The following FYN variants were observed in gnomAD, a reference collection of about 807,000 sequenced individuals.
FYN encodes the protein FYN proto-oncogene, Src family tyrosine kinase.
In FYN, 10 loss-of-function variants were observed where a neutral mutation model predicts 70.2. The observed-to-expected ratio is 0.14, with a 90% CI of 0.09 to 0.24. The LOEUF is 0.24. FYN is among the 10% of genes least tolerant of loss of function. The probability of loss-of-function intolerance (pLI) is 1.00; values close to 1 mark genes in which losing one functional copy is unlikely to be tolerated. For synonymous variants in FYN, 236 were observed against 248.6 expected (o/e 0.95, Z 0.48); for missense variants, 319 against 673.1 (o/e 0.47, Z 5.82).
chr6:111,830,063 T>C (rs1772966325), intron 2 of FYN, among the ~76,000 whole-genome samples: 1 of 152,214 alleles, frequency 6.6e-6, no homozygotes. Context: ...ATTGAACTAC[T>C]GACTCAATGG....
chr6:111,872,662 C>G (rs934293727), intron 1 of FYN, among the ~76,000 whole-genome samples: 1 of 152,032 alleles, frequency 6.6e-6, no homozygotes, highest in Non-Finnish European at 1.5e-5. Context: ...AGGGCGGGGG[C>G]GGAGTCTGGG....
rs543737402 is a variant in FYN, at chr6:111,870,981, G to T, written c.-123+1987C>A. ...TTTTTATCGTAAAAAGTTCCACGAT[G>T]AATGTTCTTAAAAAGTGTGTAAGTA... On this transcript the variant is annotated intron_variant, in intron 1 of 13. Coordinates refer to ENST00000354650, the MANE Select transcript of FYN (RefSeq NM_002037.5). Among the ~76,000 whole-genome samples, 5 of 152,196 alleles carry T rather than the reference G, an allele frequency of 3.3e-5. No homozygotes were observed. The South Asian group carries it at 8.3e-4, about 25-fold the overall frequency.
intron 3 of FYN, among the ~76,000 whole-genome samples, chr6:111,744,825 A>G (rs1802135181): frequency 6.6e-6 from 1 of 152,220 alleles, no homozygotes; most frequent in South Asian, 2.1e-4. Context: ...ATATCACCTA[A>G]CAATAAATAT....
chr6:111,674,415 G>A lies in FYN; in HGVS notation c.1405+84C>T, dbSNP rs921361484. The stretch of plus-strand genomic sequence containing the variant: ...AGCAGAAAGCTGAGGATGGGGCTTA[G>A]AAAGCAAAGTGGATGAAGTTTTCCC... On this transcript the variant is annotated intron_variant, in intron 13 of 13. Coordinates refer to ENST00000354650, the MANE Select transcript of FYN (RefSeq NM_002037.5). The A allele has an allele frequency of 4.1e-6, 6 of 1,461,890 alleles. No individual in the cohort carries two copies. In the African/African-American group the frequency reaches 5.7e-5, roughly 14 times the overall value. 90.6% of individuals were successfully genotyped at this position (1,461,890 alleles called of 1,614,324 possible).
intron 2 of FYN, chr6:111,781,095 A>G (rs998142348): frequency 6.6e-6 from 1 of 152,146 alleles, no homozygotes; most frequent in Non-Finnish European, 1.5e-5. Flanking sequence ...AATAGGGATT[A>G]CTGTACTGAC....
At chr6:111,773,582 G>A (rs1251368200) in intron 3 of FYN, among the ~76,000 whole-genome samples, 6 of 70,734 alleles carry the variant, frequency 8.5e-5, no homozygotes, top group African/African-American at 3.7e-4. Flanking sequence ...GAGGGGGAGG[G>A]GGAGGGAAAG....
intron 2 of FYN, among the ~76,000 whole-genome samples, chr6:111,829,560 A>C (rs1224429252): frequency 6.6e-6 from 1 of 152,206 alleles, no homozygotes; most frequent in East Asian, 1.9e-4. Flanking sequence ...AATGAAAGAA[A>C]GGAAAAGAAC....
intron 2 of FYN, chr6:111,793,659 G>A (rs1159571230): frequency 1.3e-5 from 2 of 152,148 alleles, no homozygotes; most frequent in Non-Finnish European, 2.9e-5. Flanking sequence ...ATCCCCCTCT[G>A]GAATATACAT....
intron 2 of FYN, among the ~76,000 whole-genome samples, chr6:111,795,009 A>C (rs1771758556): frequency 6.6e-6 from 1 of 152,188 alleles, no homozygotes; most frequent in Admixed American, 6.5e-5. Context: ...ACACTCTTTT[A>C]ACCTGTGGTC....
chr6:111,684,562 G>A (rs945842651), intron 12 of FYN, among the ~76,000 whole-genome samples: 3 of 152,112 alleles, frequency 2.0e-5, no homozygotes, highest in Non-Finnish European at 4.4e-5. Context: ...AAGGGCATTC[G>A]ATCCAGACAT....
intron 2 of FYN, among the ~76,000 whole-genome samples, chr6:111,837,888 A>AGCT (rs1773239798): frequency 6.6e-6 from 1 of 152,188 alleles, no homozygotes; most frequent in Non-Finnish European, 1.5e-5. Flanking sequence ...GCAAATGCAC[A>AGCT]AATTGCTGTT....
chr6:111,665,350 A>AT lies in FYN; in HGVS notation c.1406-3404dup, dbSNP rs138427570. On this transcript the variant is annotated intron_variant, in intron 13 of 13. Coordinates refer to ENST00000354650, the MANE Select transcript of FYN (RefSeq NM_002037.5). The stretch of plus-strand genomic sequence containing the variant: ...TTGAAAATCATGGTTTTTTTAAATA[A>AT]TTTTTTTTAAATGGCTTTTACTCTG... Among the ~76,000 whole-genome samples, 989 of 152,062 alleles carry AT rather than the reference A, an allele frequency of 6.5e-3. 15 individuals carry two copies. Among genetic ancestry groups the AT allele is most frequent in the African/African-American group, 0.023 (941 of 41,468 alleles).
At position 111,859,630 on chromosome 6, in the gene FYN, A is replaced by G. The variant is rs762715218; in HGVS notation, c.-122-13001T>C. The stretch of plus-strand genomic sequence containing the variant: ...CTTGCAGTAATAGTTAAAATCAAAC[A>G]GGTAAAGTACATAGCACCACGATAC... On this transcript the variant is annotated intron_variant, in intron 1 of 13. Transcript: ENST00000354650. Among the ~76,000 whole-genome samples the G allele has an allele frequency of 3.2e-4, 48 of 152,234 alleles. 1 individual carries two copies. Among genetic ancestry groups the G allele is most frequent in the Non-Finnish European group, 5.1e-4 (35 of 68,044 alleles).
chr6:111,707,835 C>T (rs1265448051), intron 6 of FYN, 87 bp downstream of exon 6: 5 of 1,035,248 alleles, frequency 4.8e-6, no homozygotes, highest in African/African-American at 1.6e-5. Context: ...TGAATTTCTT[C>T]TCCCTCCTGC....
intron 3 of FYN, among the ~76,000 whole-genome samples, chr6:111,734,951 A>G (rs1294315009): frequency 1.3e-5 from 2 of 152,208 alleles, no homozygotes; most frequent in South Asian, 2.1e-4. Context: ...CTTAAGAGGG[A>G]GACAGACAAG....
chr6:111,705,269 A>C (rs114786207), intron 6 of FYN, among the ~76,000 whole-genome samples: 1,691 of 152,208 alleles, frequency 0.011, 24 homozygotes, highest in African/African-American at 0.037. Context: ...AAAAACGCCC[A>C]TGAGTACTTA....
At chr6:111,809,883 A>G (rs1583462705) in intron 2 of FYN, among the ~76,000 whole-genome samples, 1 of 152,360 alleles carries the variant, frequency 6.6e-6, no homozygotes, top group East Asian at 1.9e-4. Flanking sequence ...AAAAATCATT[A>G]AGGTAGTATA....
chr6:111,826,671 C>A (rs1772843320), intron 2 of FYN, among the ~76,000 whole-genome samples: 1 of 152,198 alleles, frequency 6.6e-6, no homozygotes, highest in Non-Finnish European at 1.5e-5. Flanking sequence ...CTCCTTACCA[C>A]ATTATTTTAG....
At chr6:111,841,951 G>A (rs986012022) in intron 2 of FYN, among the ~76,000 whole-genome samples, 2 of 151,896 alleles carry the variant, frequency 1.3e-5, no homozygotes, top group African/African-American at 4.8e-5. Flanking sequence ...TTGCCTTTGA[G>A]TCTAAAACAG....
Sources: allele counts gnomAD v4.1 joint callset (sites outside exome capture counted in the v4.1 genomes callset), GRCh38; gene constraint gnomAD v4.1.1; transcripts MANE v1.5; gene names NCBI Gene and HGNC (gene_info 2026-07-23, HGNC 2026-07-21).